The following NAALADL2 variants were observed in gnomAD, a reference collection of about 807,000 sequenced individuals.
The protein encoded by NAALADL2 is N-acetylated alpha-linked acidic dipeptidase like 2, also known as inactive N-acetylated-alpha-linked acidic dipeptidase-like protein 2.
Under a neutral mutation model 87.2 loss-of-function variants are expected in NAALADL2, and 76 were observed. The observed-to-expected ratio is 0.87, with a 90% CI of 0.72 to 1.05. NAALADL2 has a LOEUF of 1.05. Among genes scored for constraint, NAALADL2 ranks in the 50% least tolerant of loss-of-function variants. The pLI is 0.00. For synonymous variants in NAALADL2, 354 were observed against 331.0 expected (o/e 1.07, Z -0.75); for missense variants, 1,089 against 945.8 (o/e 1.15, Z -1.99).
chr3:175,107,119 C>A (rs959934301), intron 2 of NAALADL2, among the ~76,000 whole-genome samples: 1 of 151,912 alleles, frequency 6.6e-6, no homozygotes, highest in Non-Finnish European at 1.5e-5. Context: ...GCTTGTATAA[C>A]CAGTGTAATG....
chr3:174,441,253 C>G (rs1343034463), intron 1 of NAALADL2, among the ~76,000 whole-genome samples: 2 of 152,034 alleles, frequency 1.3e-5, no homozygotes, highest in African/African-American at 4.8e-5. Context: ...TTCTGAGCGA[C>G]TCCGCGGGGT....
rs548421530 is a variant in NAALADL2, at chr3:174,860,358, T to G, written c.43+908T>G. Among the ~76,000 whole-genome samples, 7 of 152,208 alleles carry G rather than the reference T, an allele frequency of 4.6e-5. No homozygotes were observed. The East Asian group carries it at 1.4e-3, about 29-fold the overall frequency. On this transcript the variant is annotated intron_variant, in intron 1 of 13. Coordinates refer to ENST00000454872, the MANE Select transcript of NAALADL2 (RefSeq NM_207015.3). ...CCTAAAAATCTTTCTTGAAATACTG[T>G]GTAAAATGCTACTATAAAGCATTTT...
chr3:175,063,882 A>G (rs1714037766), intron 1 of NAALADL2, among the ~76,000 whole-genome samples: 1 of 152,198 alleles, frequency 6.6e-6, no homozygotes, highest in Non-Finnish European at 1.5e-5. Context: ...TATTTGTCAA[A>G]TCAGTTGTTT....
At chr3:174,689,557 A>C in intron 2 of NAALADL2, among the ~76,000 whole-genome samples, 1 of 152,098 alleles carries the variant, frequency 6.6e-6, no homozygotes, top group East Asian at 1.9e-4. Flanking sequence ...TTAGAAATGT[A>C]GAATTCCAGG....
intron 11 of NAALADL2, among the ~76,000 whole-genome samples, chr3:175,708,825 TAA>T (rs565683274): frequency 0.016 from 2,175 of 134,622 alleles, 61 homozygotes; most frequent in African/African-American, 0.053. Flanking sequence ...ACCCAGAGAA[TAA>T]AAAAAAAAAA....
intron 11 of NAALADL2, among the ~76,000 whole-genome samples, chr3:175,638,212 G>A (rs371146554): frequency 1.2e-4 from 19 of 152,252 alleles, no homozygotes; most frequent in African/African-American, 1.7e-4. Context: ...TTTATATGCC[G>A]TAGAGATATT....
rs1043852492 is a variant in NAALADL2 at position 175,733,280 on chromosome 3, T to C, written c.1897-4026T>C. Among the ~76,000 whole-genome samples, 3 of 152,308 alleles carry C rather than the reference T, an allele frequency of 2.0e-5. No homozygotes were observed. In the East Asian group the frequency reaches 5.8e-4, roughly 29 times the overall value. ...GAAGGAAAGAGGTTTAATGGAGAAC[T>C]CACAGTTCCATGTGGCTGGGGAAGC... On this transcript the variant is annotated intron_variant, in intron 11 of 13. Transcript: ENST00000454872.
intron 1 of NAALADL2, among the ~76,000 whole-genome samples, chr3:174,881,138 C>A (rs1729140004): frequency 1.3e-5 from 2 of 152,134 alleles, no homozygotes; most frequent in South Asian, 4.2e-4. Context: ...CAAATAAGGT[C>A]AAAAATCATA....
intron 2 of NAALADL2, among the ~76,000 whole-genome samples, chr3:174,644,354 T>G (rs1433996708): frequency 6.6e-6 from 1 of 152,182 alleles, no homozygotes; most frequent in Non-Finnish European, 1.5e-5. Context: ...GAAAATATGG[T>G]TATGAAAAGC....
At chr3:174,807,758 T>A (rs982304196) in intron 3 of NAALADL2, among the ~76,000 whole-genome samples, 1 of 152,106 alleles carries the variant, frequency 6.6e-6, no homozygotes, top group African/African-American at 2.4e-5. Flanking sequence ...TAGTGTAATT[T>A]GAAACATCCA....
intron 2 of NAALADL2, among the ~76,000 whole-genome samples, chr3:175,229,639 A>G (rs1407776177): frequency 6.6e-6 from 1 of 151,978 alleles, no homozygotes. Flanking sequence ...GAAAGATAAT[A>G]TAATATAATC....
chr3:174,507,988 TG>T (rs1719314555), intron 1 of NAALADL2, among the ~76,000 whole-genome samples: 1 of 152,144 alleles, frequency 6.6e-6, no homozygotes, highest in Non-Finnish European at 1.5e-5. Flanking sequence ...ACTGCCAACT[TG>T]TTTTATAAAT....
chr3:175,600,190 C>A (rs1252546002), intron 10 of NAALADL2, among the ~76,000 whole-genome samples: 1 of 151,690 alleles, frequency 6.6e-6, no homozygotes, highest in African/African-American at 2.4e-5. Flanking sequence ...GTATATATAT[C>A]TAACATATAT....
At chr3:175,522,431 T>C (rs1732780236) in intron 9 of NAALADL2, among the ~76,000 whole-genome samples, 1 of 152,162 alleles carries the variant, frequency 6.6e-6, no homozygotes, top group African/African-American at 2.4e-5. Context: ...ATACCTGAAA[T>C]AATATCTGGA....
intron 3 of NAALADL2, among the ~76,000 whole-genome samples, chr3:174,810,458 G>T (rs1283957596): frequency 6.6e-6 from 1 of 152,032 alleles, no homozygotes; most frequent in East Asian, 1.9e-4. Flanking sequence ...GAGCTTGGTT[G>T]GATAGTGCCT....
chr3:174,771,130 T>C (rs1714500097), intron 3 of NAALADL2, among the ~76,000 whole-genome samples: 1 of 152,326 alleles, frequency 6.6e-6, no homozygotes, highest in Middle Eastern at 3.4e-3. Flanking sequence ...TCATTCATTG[T>C]GCTTTCTAAA....
chr3:174,452,010 T>C (rs1577941799), intron 1 of NAALADL2, among the ~76,000 whole-genome samples: 1 of 78,878 alleles, frequency 1.3e-5, no homozygotes, highest in South Asian at 7.2e-4. Flanking sequence ...GCCTGGCTAA[T>C]TTTTTTTTTT....
chr3:174,687,588 G>C (rs28675987), intron 2 of NAALADL2, among the ~76,000 whole-genome samples: 11,965 of 152,032 alleles, frequency 0.079, 663 homozygotes, highest in South Asian at 0.27. Context: ...GTGAGAAGGG[G>C]GCAAAAATAA....
chr3:175,077,459 T>C (rs2109203105), intron 1 of NAALADL2, among the ~76,000 whole-genome samples: 1 of 152,320 alleles, frequency 6.6e-6, no homozygotes, highest in East Asian at 1.9e-4. Context: ...ATTTAAAGTC[T>C]TGTGTTTCAA....
Sources: allele counts gnomAD v4.1 joint callset (sites outside exome capture counted in the v4.1 genomes callset), GRCh38; gene constraint gnomAD v4.1.1; transcripts MANE v1.5; gene names NCBI Gene and HGNC (gene_info 2026-07-23, HGNC 2026-07-21).